MAOA: variants seen among roughly 807,000 people sequenced by gnomAD.
The protein encoded by MAOA is amine oxidase [flavin-containing] A.
A neutral mutation model predicts 42.0 loss-of-function variants in MAOA; 6 were observed. The observed-to-expected ratio is 0.14, with a 90% CI of 0.08 to 0.28. MAOA has a LOEUF of 0.28. Among genes scored for constraint, MAOA ranks in the 10% least tolerant of loss-of-function variants. MAOA has a pLI of 1.00. For synonymous variants in MAOA, 140 were observed against 154.0 expected, an observed-to-expected ratio of 0.91 and a Z score of 0.67; for missense variants, 262 against 422.3, an observed-to-expected ratio of 0.62 and a Z score of 3.33.
intron 1 of MAOA, among the ~76,000 whole-genome samples, chrX:43,661,121 C>T (rs2033230259): frequency 9.0e-6 from 1 of 111,687 alleles, no homozygotes; most frequent in African/African-American, 3.3e-5. Flanking sequence ...AATGCTCGGT[C>T]TCTCAAAGCA....
intron 1 of MAOA, among the ~76,000 whole-genome samples, chrX:43,672,492 T>C (rs1278383029): frequency 1.2e-3 from 128 of 110,726 alleles, no homozygotes; most frequent in African/African-American, 3.8e-3. Flanking sequence ...TGAATAGGAG[T>C]GGTGAGAGAG....
chrX:43,699,666 A>G (rs1254094065), intron 3 of MAOA, among the ~76,000 whole-genome samples: 1 of 108,576 alleles, frequency 9.2e-6, no homozygotes, highest in Non-Finnish European at 1.9e-5. Flanking sequence ...TTCTTTTTGT[A>G]TTGGTTCTAT....
At chrX:43,673,869 T>A (rs1195411007) in intron 1 of MAOA, among the ~76,000 whole-genome samples, 1 of 112,008 alleles carries the variant, frequency 8.9e-6, no homozygotes, top group Non-Finnish European at 1.9e-5. Context: ...CTTCCAACTA[T>A]GTGGTCAATT....
chrX:43,745,575 T>C lies in MAOA; in HGVS notation c.*1062T>C, dbSNP rs1375238952. The C allele has an allele frequency of 8.9e-6, 1 of 111,808 alleles. No individual in the cohort carries two copies. Among genetic ancestry groups the C allele is most frequent in the Non-Finnish European group, 1.9e-5 (1 of 53,177 alleles). 9.2% of individuals were successfully genotyped at this position (111,808 alleles called of 1,213,427 possible). A position where few individuals can be genotyped will look rare whatever the true frequency, so the allele number is the denominator to read the frequency against. On this transcript the variant is annotated 3_prime_UTR_variant, in exon 15 of 15. Coordinates refer to ENST00000338702, the MANE Select transcript of MAOA (RefSeq NM_000240.4). ...GAAATACATATGATAAATTTGACTG[T>C]TATTTGTTGAGACTATCAAACAGAA...
intron 3 of MAOA, among the ~76,000 whole-genome samples, chrX:43,693,754 G>A (rs1201414987): frequency 9.4e-6 from 1 of 106,470 alleles, no homozygotes; most frequent in African/African-American, 3.5e-5. Flanking sequence ...CAGGGGTGGG[G>A]GTGGCAGGTG....
chrX:43,656,070 A>G, upstream of MAOA: 3 of 394,059 alleles, frequency 7.6e-6, no homozygotes, highest in Non-Finnish European at 1.3e-5. Context: ...TCTAAACCTA[A>G]TAACTCTCGC....
chrX:43,668,551 G>C (rs893222090), intron 1 of MAOA, among the ~76,000 whole-genome samples: 1 of 112,041 alleles, frequency 8.9e-6, no homozygotes, highest in African/African-American at 3.2e-5. Context: ...TCTGAGTAAA[G>C]AGTTAGAGAG....
chrX:43,706,624 C>CATAA (rs746283353), intron 3 of MAOA, among the ~76,000 whole-genome samples: 2,610 of 104,861 alleles, frequency 0.025, 32 homozygotes, highest in Middle Eastern at 0.048. Context: ...ATCTCTACAA[C>CATAA]ATAAATAAAT....
At chrX:43,699,354 A>ATT (rs66493247) in intron 3 of MAOA, among the ~76,000 whole-genome samples, 1 of 91,705 alleles carries the variant, frequency 1.1e-5, no homozygotes, top group Non-Finnish European at 2.2e-5. Flanking sequence ...GTTGGATTCC[A>ATT]TTTTTTTTTT....
intron 1 of MAOA, among the ~76,000 whole-genome samples, chrX:43,672,722 T>C (rs991791350): frequency 6.3e-5 from 7 of 111,678 alleles, no homozygotes; most frequent in African/African-American, 2.3e-4. Flanking sequence ...TTGTCTTTGG[T>C]TCTGTTTATA....
At chrX:43,679,212 C>A (rs1186550162) in intron 1 of MAOA, among the ~76,000 whole-genome samples, 1 of 104,757 alleles carries the variant, frequency 9.5e-6, no homozygotes, top group Non-Finnish European at 2.0e-5. Flanking sequence ...TTAGTTATAT[C>A]CTTAAATGCC....
chrX:43,706,019 A>C (rs1247978672), intron 3 of MAOA, among the ~76,000 whole-genome samples: 1 of 112,379 alleles, frequency 8.9e-6, no homozygotes, highest in East Asian at 2.8e-4. Flanking sequence ...GTAGAAATGT[A>C]AAATGGTGCA....
At chrX:43,656,986 G>T (rs999394894) in intron 1 of MAOA, among the ~76,000 whole-genome samples, 5 of 106,203 alleles carry the variant, frequency 4.7e-5, no homozygotes, top group Non-Finnish European at 7.7e-5. Context: ...TCTATTTTCC[G>T]TAGAAAATTT....
rs765343461 is a variant in MAOA at position 43,680,754 on chromosome X, A to T, written c.74-2759A>T. Among the ~76,000 whole-genome samples the T allele has an allele frequency of 1.6e-3, 182 of 111,662 alleles. 2 individuals carry two copies. Among genetic ancestry groups the T allele is most frequent in the African/African-American group, 5.8e-3 (180 of 30,792 alleles). On this transcript the variant is annotated intron_variant, in intron 1 of 14. Transcript: ENST00000338702. ...ATTTGAATTATTTCTGTCTTCACTT[A>T]CTAACTAGCATACTTTTATACAGAG...
chrX:43,674,392 CTT>C (rs1401190782), intron 1 of MAOA, among the ~76,000 whole-genome samples: 13 of 110,907 alleles, frequency 1.2e-4, no homozygotes, highest in Admixed American at 2.9e-4. Context: ...GGTCTTGACT[CTT>C]TATCCAATTT....
intron 1 of MAOA, among the ~76,000 whole-genome samples, chrX:43,682,738 T>G (rs976542360): frequency 2.7e-5 from 3 of 111,626 alleles, no homozygotes; most frequent in Non-Finnish European, 5.7e-5. Flanking sequence ...ATAACTATAG[T>G]GGAAAAACTT....
chrX:43,677,121 A>T (rs1237646024), intron 1 of MAOA, among the ~76,000 whole-genome samples: 1 of 110,007 alleles, frequency 9.1e-6, no homozygotes, highest in African/African-American at 3.5e-5. Context: ...GGAGAGGTGG[A>T]GAAGGCAGGG....
intron 5 of MAOA, among the ~76,000 whole-genome samples, chrX:43,713,954 T>C (rs776699853): frequency 2.5e-4 from 28 of 111,085 alleles, no homozygotes; most frequent in Non-Finnish European, 4.0e-4. Flanking sequence ...GGGGATAGTA[T>C]CTGCCAGGAA....
intron 8 of MAOA, 71 bp downstream of exon 8, chrX:43,731,924 G>A: frequency 1.0e-6 from 1 of 980,439 alleles, no homozygotes; most frequent in Non-Finnish European, 1.5e-6. Context: ...TTATTGAACA[G>A]AAGGTATTGA....
Sources: gnomAD v4.1 joint callset for allele counts (sites outside exome capture counted in the v4.1 genomes callset) on GRCh38, gnomAD v4.1.1 for gene constraint, MANE v1.5 for transcripts, NCBI Gene and HGNC (gene_info 2026-07-23, HGNC 2026-07-21) for gene names.